Variants in RNF185 observed in about 807,000 individuals in gnomAD.
RNF185 encodes ring finger protein 185.
Under a neutral mutation model 24.9 loss-of-function variants are expected in RNF185, and 13 were observed. The observed-to-expected ratio is 0.52, with a 90% CI of 0.34 to 0.83. RNF185 has a LOEUF of 0.83. Ranked by LOEUF, RNF185 falls within the 40% of genes least tolerant of loss-of-function variation. The pLI, the probability that RNF185 is intolerant of heterozygous loss-of-function variation, is 0.01. For missense variants in RNF185, 184 were observed against 244.7 expected (o/e 0.75, Z 1.65); for synonymous variants, 79 against 90.3 (o/e 0.88, Z 0.71).
chr22:31,161,729 A>G (rs780753080), intron 1 of RNF185, among the ~76,000 whole-genome samples: 2 of 152,210 alleles, frequency 1.3e-5, no homozygotes, highest in African/African-American at 2.4e-5. Flanking sequence ...TCCCTGGAAC[A>G]TAATCCCTGC....
chr22:31,184,091 C>T (rs1036971546), intron 1 of RNF185, among the ~76,000 whole-genome samples: 2 of 150,172 alleles, frequency 1.3e-5, no homozygotes, highest in Non-Finnish European at 3.0e-5. Flanking sequence ...GGCGGCTGGC[C>T]GGGCGGGGGC....
At chr22:31,172,304 A>T (rs1195494877) in intron 1 of RNF185, among the ~76,000 whole-genome samples, 1 of 152,108 alleles carries the variant, frequency 6.6e-6, no homozygotes, top group East Asian at 1.9e-4. Context: ...CCTGACCAAC[A>T]TGGCGAAACC....
intron 5 of RNF185, among the ~76,000 whole-genome samples, chr22:31,198,881 G>C (rs1339390379): frequency 6.7e-6 from 1 of 149,898 alleles, no homozygotes; most frequent in Admixed American, 6.6e-5. Flanking sequence ...GATCACCTGA[G>C]GTCAGGAATT....
chr22:31,162,440 A>C (rs894728336), intron 1 of RNF185, among the ~76,000 whole-genome samples: 1 of 152,138 alleles, frequency 6.6e-6, no homozygotes, highest in Non-Finnish European at 1.5e-5. Context: ...AGTGGCTCTG[A>C]AAAAAGGATT....
chr22:31,173,216 T>C (rs934258538), intron 1 of RNF185, among the ~76,000 whole-genome samples: 1 of 147,746 alleles, frequency 6.8e-6, no homozygotes, highest in African/African-American at 2.6e-5. Flanking sequence ...CCCTCAATTT[T>C]TTTTTCATTT....
intron 1 of RNF185, among the ~76,000 whole-genome samples, chr22:31,166,838 C>T (rs747021985): frequency 2.0e-5 from 3 of 151,826 alleles, no homozygotes; most frequent in Non-Finnish European, 4.4e-5. Flanking sequence ...TTGGTAGAAA[C>T]GGGATTTCAC....
intron 1 of RNF185, among the ~76,000 whole-genome samples, chr22:31,174,468 C>T (rs968126044): frequency 6.6e-6 from 1 of 152,106 alleles, no homozygotes; most frequent in African/African-American, 2.4e-5. Context: ...CAGCCTTGAG[C>T]TCCTGGGCTC....
At chr22:31,169,248 G>A (rs768379033) in intron 1 of RNF185, among the ~76,000 whole-genome samples, 5 of 152,080 alleles carry the variant, frequency 3.3e-5, no homozygotes, top group Non-Finnish European at 7.4e-5. Context: ...TAAGTTTTAG[G>A]AGTTATCTAT....
intron 1 of RNF185, among the ~76,000 whole-genome samples, chr22:31,184,132 C>T (rs566523327): frequency 3.3e-5 from 5 of 151,486 alleles, no homozygotes; most frequent in South Asian, 2.1e-4. Context: ...GGGCAGCTGC[C>T]GGGCAGAGAC....
chr22:31,189,134 AATG>A (rs1379660799), intron 2 of RNF185, among the ~76,000 whole-genome samples: 1 of 37,050 alleles, frequency 2.7e-5, no homozygotes, highest in East Asian at 5.7e-4. Context: ...TCAAAAAAAA[AATG>A]TGTGTGTGTG....
intron 1 of RNF185, among the ~76,000 whole-genome samples, chr22:31,185,118 T>G (rs1248655740): frequency 6.6e-6 from 1 of 151,570 alleles, no homozygotes; most frequent in Non-Finnish European, 1.5e-5. Context: ...ACATGTAATA[T>G]GAAGAAGAGG....
chr22:31,196,855 T>C, intron 4 of RNF185, 81 bp from the exon 5 acceptor site: 1 of 1,574,260 alleles, frequency 6.4e-7, no homozygotes. Context: ...CCTGACCCTG[T>C]TGGTAAAGAG....
chr22:31,169,415 G>A (rs924486951), intron 1 of RNF185, among the ~76,000 whole-genome samples: 2 of 152,054 alleles, frequency 1.3e-5, no homozygotes, highest in Non-Finnish European at 2.9e-5. Context: ...TTTGTTACCT[G>A]TACTTTTGGT....
intron 1 of RNF185, among the ~76,000 whole-genome samples, chr22:31,183,793 G>C (rs1474677504): frequency 6.6e-6 from 1 of 152,172 alleles, no homozygotes; most frequent in Non-Finnish European, 1.5e-5. Context: ...TTTCTACACA[G>C]ACACAATAAC....
rs531979162 is a variant in RNF185, at chr22:31,183,849, C to G, written c.-48-3198C>G. Among the ~76,000 whole-genome samples, 46 of 152,322 alleles carry G rather than the reference C, an allele frequency of 3.0e-4. No homozygotes were observed. The South Asian group carries it at 6.6e-3, about 22-fold the overall frequency. ...TCCCCACATTTCCCCCTTTTCTATT[C>G]GACAAAACCGCTATTGTCATCATGG... On this transcript the variant is annotated intron_variant, in intron 1 of 6. Coordinates refer to ENST00000326132, the MANE Select transcript of RNF185 (RefSeq NM_152267.4).
chr22:31,198,704 C>CTTTT (rs1196076379), intron 5 of RNF185, among the ~76,000 whole-genome samples: 7 of 69,654 alleles, frequency 1.0e-4, no homozygotes, highest in Non-Finnish European at 1.8e-4. Context: ...CTGCCACTTT[C>CTTTT]TTTTTTTTTT....
chr22:31,196,616 G>A (rs1291698994), intron 4 of RNF185, among the ~76,000 whole-genome samples: 2 of 152,160 alleles, frequency 1.3e-5, no homozygotes, highest in Non-Finnish European at 2.9e-5. Flanking sequence ...TCTGTTATCT[G>A]TAACAGGCCC....
intron 1 of RNF185, among the ~76,000 whole-genome samples, chr22:31,168,156 C>T (rs540660339): frequency 2.9e-3 from 441 of 152,272 alleles, no homozygotes; most frequent in African/African-American, 0.01. Context: ...ATTTTGTTTA[C>T]TCTAAGTACG....
chr22:31,184,040 G>T (rs2048069445), intron 1 of RNF185, among the ~76,000 whole-genome samples: 1 of 151,264 alleles, frequency 6.6e-6, no homozygotes, highest in South Asian at 2.1e-4. Flanking sequence ...CCCGGACGGG[G>T]CGGCTGGCCG....
Sources: allele counts gnomAD v4.1 joint callset (sites outside exome capture counted in the v4.1 genomes callset), GRCh38; gene constraint gnomAD v4.1.1; transcripts MANE v1.5; gene names NCBI Gene and HGNC (gene_info 2026-07-23, HGNC 2026-07-21).